Variants in VSTM4 observed in about 807,000 individuals in gnomAD.
VSTM4 encodes V-set and transmembrane domain-containing protein 4.
A neutral mutation model predicts 36.4 loss-of-function variants in VSTM4; 20 were observed. The ratio of observed to expected loss-of-function variants is 0.55; its 90% confidence interval spans 0.39 to 0.80. The LOEUF (loss-of-function observed/expected upper bound fraction) is 0.80, where lower values mean the gene tolerates loss of function less well. Among genes scored for constraint, VSTM4 ranks in the 30% least tolerant of loss-of-function variants. VSTM4 has a pLI of 0.00. For synonymous variants in VSTM4, 182 were observed against 173.9 expected, an observed-to-expected ratio of 1.05 and a Z score of -0.37; for missense variants, 392 against 404.5, an observed-to-expected ratio of 0.97 and a Z score of 0.26.
At chr10:49,104,676 G>A (rs554694883) in intron 2 of VSTM4, among the ~76,000 whole-genome samples, 1 of 152,374 alleles carries the variant, frequency 6.6e-6, no homozygotes, top group South Asian at 2.1e-4. Flanking sequence ...AGCAGACATG[G>A]CAAGGGAGGC....
At chr10:49,048,108 G>A (rs1425179259) in intron 6 of VSTM4, among the ~76,000 whole-genome samples, 1 of 152,156 alleles carries the variant, frequency 6.6e-6, no homozygotes, top group East Asian at 1.9e-4. Flanking sequence ...TTCTTCCCTT[G>A]AATGAACCAA....
chr10:49,090,004 C>G (rs1239830937), intron 2 of VSTM4, among the ~76,000 whole-genome samples: 2 of 152,212 alleles, frequency 1.3e-5, no homozygotes, highest in Admixed American at 6.5e-5. Context: ...CTTGGTCAAC[C>G]TTCAAGTGTG....
chr10:49,097,047 G>T (rs554543423), intron 2 of VSTM4, among the ~76,000 whole-genome samples: 14 of 152,214 alleles, frequency 9.2e-5, no homozygotes, highest in African/African-American at 3.4e-4. Context: ...TCACTCCTGT[G>T]AACACCAGCA....
At chr10:49,097,704 G>C in intron 2 of VSTM4, among the ~76,000 whole-genome samples, 1 of 152,282 alleles carries the variant, frequency 6.6e-6, no homozygotes, top group South Asian at 2.1e-4. Context: ...TATTTGAAAA[G>C]ATATTTACCA....
intron 5 of VSTM4, among the ~76,000 whole-genome samples, chr10:49,051,665 G>A (rs192340573): frequency 6.8e-4 from 104 of 152,208 alleles, no homozygotes; most frequent in African/African-American, 2.3e-3. Flanking sequence ...CAAAGTGCTG[G>A]GATTACAGGC....
At chr10:49,051,385 CATTT>C (rs1843695207) in intron 5 of VSTM4, among the ~76,000 whole-genome samples, 1 of 143,750 alleles carries the variant, frequency 7.0e-6, no homozygotes. Context: ...CTTGACAGCT[CATTT>C]CTTTTTTTTT....
At chr10:49,079,082 T>C (rs1844232345) in intron 3 of VSTM4, among the ~76,000 whole-genome samples, 1 of 152,124 alleles carries the variant, frequency 6.6e-6, no homozygotes, top group Non-Finnish European at 1.5e-5. Flanking sequence ...TCCCCCCACC[T>C]CCACCTCCCA....
intron 2 of VSTM4, chr10:49,103,689 C>G: frequency 1.2e-6 from 2 of 1,602,366 alleles, no homozygotes; most frequent in South Asian, 2.3e-5. Context: ...AGACCAGGCA[C>G]CAGCCTTTCT....
chr10:49,025,492 C>T (rs1843246645), intron 7 of VSTM4, among the ~76,000 whole-genome samples: 2 of 152,166 alleles, frequency 1.3e-5, no homozygotes, highest in South Asian at 4.2e-4. Context: ...ACCCTGCCCC[C>T]ACACACACCT....
intron 5 of VSTM4, among the ~76,000 whole-genome samples, chr10:49,059,860 T>C (rs940796529): frequency 2.6e-5 from 4 of 152,252 alleles, no homozygotes; most frequent in African/African-American, 4.8e-5. Context: ...TGTATTTTTA[T>C]AGTTAATCCC....
At chr10:49,100,829 T>C (rs758576476) in intron 2 of VSTM4, among the ~76,000 whole-genome samples, 8 of 152,282 alleles carry the variant, frequency 5.3e-5, no homozygotes, top group Non-Finnish European at 1.0e-4. Context: ...TTTGCCCTAT[T>C]CTATAATAAT....
intron 1 of VSTM4, among the ~76,000 whole-genome samples, chr10:49,113,587 C>T (rs747674284): frequency 4.6e-5 from 7 of 152,200 alleles, no homozygotes; most frequent in Non-Finnish European, 1.0e-4. Flanking sequence ...CATCTTGCTT[C>T]AAAGACAGCT....
chr10:49,019,475 C>G lies in VSTM4; in HGVS notation c.*175G>C. The G allele has an allele frequency of 1.2e-6, 1 of 822,178 alleles. No homozygotes were observed. Among genetic ancestry groups the G allele is most frequent in the South Asian group, 4.2e-5 (1 of 23,802 alleles). 50.9% of individuals were successfully genotyped at this position (822,178 alleles called of 1,614,324 possible). A position where few individuals can be genotyped will look rare whatever the true frequency, so the allele number is the denominator to read the frequency against. On this transcript the variant is annotated 3_prime_UTR_variant, in exon 8 of 8. Transcript: ENST00000332853. ...TCTGTCAAGAGCTGTGGCCCCGATT[C>G]TTTTGGGGAGAGCAGGCTTGTACCT...
intron 7 of VSTM4, among the ~76,000 whole-genome samples, chr10:49,031,794 T>G (rs879440941): frequency 6.6e-6 from 1 of 152,226 alleles, no homozygotes; most frequent in Admixed American, 6.5e-5. Context: ...TACCTCATCC[T>G]GTGCCTGCCT....
At chr10:49,098,954 A>G (rs1844620250) in intron 2 of VSTM4, among the ~76,000 whole-genome samples, 1 of 152,080 alleles carries the variant, frequency 6.6e-6, no homozygotes, top group African/African-American at 2.4e-5. Context: ...CATCAATACT[A>G]TTTTCTGGTG....
intron 3 of VSTM4, among the ~76,000 whole-genome samples, 158 bp downstream of exon 3, chr10:49,085,797 A>G (rs919034932): frequency 1.3e-5 from 2 of 152,146 alleles, no homozygotes; most frequent in Non-Finnish European, 2.9e-5. Context: ...GTAAATGACG[A>G]GTTAATGGGT....
intron 5 of VSTM4, among the ~76,000 whole-genome samples, chr10:49,051,208 T>A (rs1843692478): frequency 6.6e-6 from 1 of 152,060 alleles, no homozygotes; most frequent in South Asian, 2.1e-4. Flanking sequence ...TGCCTATTCA[T>A]CCCTCCCTCT....
chr10:49,090,648 G>T (rs1483371913), intron 2 of VSTM4, among the ~76,000 whole-genome samples: 1 of 152,184 alleles, frequency 6.6e-6, no homozygotes, highest in African/African-American at 2.4e-5. Context: ...TGGTGGACAA[G>T]GAAAAGCTCC....
At chr10:49,072,465 T>C (rs1307200590) in intron 4 of VSTM4, among the ~76,000 whole-genome samples, 1 of 152,218 alleles carries the variant, frequency 6.6e-6, no homozygotes, top group Non-Finnish European at 1.5e-5. Flanking sequence ...AACTTGTTCC[T>C]TGCTTGCTTG....
Sources: allele counts gnomAD v4.1 joint callset (sites outside exome capture counted in the v4.1 genomes callset), GRCh38; gene constraint gnomAD v4.1.1; transcripts MANE v1.5; gene names NCBI Gene and HGNC (gene_info 2026-07-23, HGNC 2026-07-21).